SAMD11: variants seen among roughly 807,000 people sequenced by gnomAD.
SAMD11 encodes sterile alpha motif domain-containing protein 11.
Under a neutral mutation model 64.4 loss-of-function variants are expected in SAMD11, and 77 were observed. The ratio of observed to expected loss-of-function variants is 1.20; its 90% CI spans 0.99 to 1.44. SAMD11 has a LOEUF of 1.44. Ranked by LOEUF, SAMD11 falls within the 40% of genes most tolerant of loss-of-function variation. The pLI is 0.00. For missense variants in SAMD11, 1,402 were observed against 943.3 expected, an observed-to-expected ratio of 1.49 and a Z score of -6.37; for synonymous variants, 658 against 421.9, an observed-to-expected ratio of 1.56 and a Z score of -6.86.
Position 939,329 on chromosome 1 carries a change from A to C in SAMD11, c.1112A>C (p.Tyr371Ser). The change falls in exon 7 of 14, where the codon TAC (tyrosine) becomes TCC (serine). Residue 371 changes from tyrosine to serine, a missense_variant. By Grantham distance (144) the Tyr-to-Ser change is moderately radical (BLOSUM62 -2). Transcript: ENST00000616016. ...LGPSMAPEDHYRRLVSALSEA... is the reference protein window; with the variant it reads ...LGPSMAPEDHSRRLVSALSEA... ...CCCAGCATGGCCCCGGAGGACCATT[A>C]CCGCCGGCTTGTGTCAGCACTGAGC... The C allele has an allele frequency of 6.2e-7, 1 of 1,611,856 alleles. No individual in the cohort carries two copies. Among genetic ancestry groups the C allele is most frequent in the Non-Finnish European group, 8.5e-7 (1 of 1,179,634 alleles).
At chr1:941,720 C>G (rs2100354084) in intron 8 of SAMD11, among the ~76,000 whole-genome samples, 1 of 152,164 alleles carries the variant, frequency 6.6e-6, no homozygotes, top group South Asian at 2.1e-4. Flanking sequence ...GTCCAGGACA[C>G]GAGGCGGGGC....
chr1:935,044 C>T (rs975071502), intron 4 of SAMD11, among the ~76,000 whole-genome samples: 1 of 151,990 alleles, frequency 6.6e-6, no homozygotes, highest in African/African-American at 2.4e-5. Flanking sequence ...GCTCACGGAA[C>T]CGGGAAGGGG....
intron 1 of SAMD11, 149 bp from the exon 2 acceptor site, chr1:925,773 G>A (rs995710020): frequency 1.6e-6 from 1 of 629,962 alleles, no homozygotes; most frequent in African/African-American, 1.8e-5. Flanking sequence ...AGGGTGGGAC[G>A]GGAAGCGGGC....
Position 935,950 on chromosome 1 carries a change from G to GGTGGC in SAMD11, c.967+57_967+61dup, listed in dbSNP as rs896323272. ...GGTCGGGGCTGTGGGGCCAGAGGAC[G>GGTGGC]GTGGCGTCTCCACTCAGCACCAGCA... is the stretch of plus-strand genomic sequence containing the variant. On this transcript the variant is annotated intron_variant, in intron 5 of 13. Transcript: ENST00000616016. 5 of 1,574,050 alleles carry GGTGGC rather than the reference G, an allele frequency of 3.2e-6. No homozygotes were observed. In the African/African-American group the frequency reaches 6.7e-5, roughly 21 times the overall value.
chr1:940,301 C>T (rs1289449276), intron 7 of SAMD11: 2 of 143,020 alleles, frequency 1.4e-5, no homozygotes, highest in South Asian at 2.2e-4. Context: ...CCGCCGCCCC[C>T]CCCCCCCGCC....
intron 7 of SAMD11, among the ~76,000 whole-genome samples, chr1:940,192 C>T (rs1436248636): frequency 6.6e-6 from 1 of 151,258 alleles, no homozygotes; most frequent in Non-Finnish European, 1.5e-5. Context: ...TAAAAATCCT[C>T]CTTTTTAATT....
chr1:941,777 C>G (rs1379073910), intron 8 of SAMD11, among the ~76,000 whole-genome samples: 1 of 152,124 alleles, frequency 6.6e-6, no homozygotes, highest in Non-Finnish European at 1.5e-5. Context: ...GAGTCCCTGC[C>G]CGGCCGCTGA....
intron 4 of SAMD11, among the ~76,000 whole-genome samples, chr1:933,791 G>A (rs915673953): frequency 7.2e-5 from 11 of 152,168 alleles, no homozygotes; most frequent in South Asian, 2.1e-4. Flanking sequence ...GGGGAGAGCC[G>A]TCATCTAGGT....
intron 2 of SAMD11, among the ~76,000 whole-genome samples, chr1:929,722 TGA>T (rs1201024914): frequency 6.6e-6 from 1 of 152,136 alleles, no homozygotes; most frequent in East Asian, 1.9e-4. Context: ...GAGCTGGGAA[TGA>T]GGGGCCACAC....
Position 941,090 on chromosome 1 carries a change from G to A in SAMD11, c.1196-54G>A, listed in dbSNP as rs1641736980. ...AGTGTTCTACGCCAGGACGCGGGCTGGGGAGGATGAGGGCGCATAGCCGGG... is the reference window on the plus strand; with the variant it reads ...AGTGTTCTACGCCAGGACGCGGGCTAGGGAGGATGAGGGCGCATAGCCGGG... On this transcript the variant is annotated intron_variant, in intron 7 of 13. Coordinates refer to ENST00000616016, the MANE Select transcript of SAMD11 (RefSeq NM_001385641.1). 4 of 1,488,382 alleles carry A rather than the reference G, an allele frequency of 2.7e-6. No individual in the cohort carries two copies. In the South Asian group the frequency reaches 3.7e-5, roughly 14 times the overall value. The allele number at this position is 1,488,382 out of a possible 1,614,324, so 92.2% of individuals were successfully genotyped here.
Position 944,323 on chromosome 1 carries a change from G to C in SAMD11, c.*170G>C. 1 of 1,386,968 alleles carries C rather than the reference G, an allele frequency of 7.2e-7. No individual in the cohort carries two copies. The highest frequency in any genetic ancestry group is 3.4e-5 in the Admixed American group (1 of 29,314). The allele number at this position is 1,386,968 out of a possible 1,614,324, so 85.9% of individuals were successfully genotyped here. A position where few individuals can be genotyped will look rare whatever the true frequency, so the allele number is the denominator to read the frequency against. On this transcript the variant is annotated 3_prime_UTR_variant, in exon 14 of 14. Transcript: ENST00000616016. Reference sequence around the variant, plus strand: ...AACAAATTTTCAAAGACTTGGGGGAGTGAAGGCAGAGCCTGGTGCAGATGG... The same window carrying C: ...AACAAATTTTCAAAGACTTGGGGGACTGAAGGCAGAGCCTGGTGCAGATGG...
At position 930,481 on chromosome 1, in the gene SAMD11, G is replaced by A. The variant is rs530653642; in HGVS notation, c.791+145G>A. On this transcript the variant is annotated intron_variant, in intron 3 of 13. Coordinates refer to ENST00000616016, the MANE Select transcript of SAMD11 (RefSeq NM_001385641.1). Reference sequence around the variant, plus strand: ...GTCTTTTTGGGGTCCTGTGTGGGTCGCAGGCAGGAGCTGTTTCCTCATCTG... The same window carrying A: ...GTCTTTTTGGGGTCCTGTGTGGGTCACAGGCAGGAGCTGTTTCCTCATCTG... The A allele has an allele frequency of 8.2e-4, 743 of 901,172 alleles. 9 individuals are homozygous for A. Among genetic ancestry groups the A allele is most frequent in the South Asian group, 7.2e-3 (399 of 55,762 alleles). The allele number at this position is 901,172 out of a possible 1,614,324, so 55.8% of individuals were successfully genotyped here.
At chr1:936,656 C>T (rs1326078114) in intron 5 of SAMD11, among the ~76,000 whole-genome samples, 3 of 152,176 alleles carry the variant, frequency 2.0e-5, no homozygotes, top group Non-Finnish European at 4.4e-5. Context: ...GGGGTGTTCC[C>T]AGCAGGGCCT....
At chr1:939,520 C>G in intron 7 of SAMD11, 108 bp downstream of exon 7, 1 of 1,546,374 alleles carries the variant, frequency 6.5e-7, no homozygotes, top group Non-Finnish European at 8.7e-7. Flanking sequence ...TGTACTCGGC[C>G]ATTCCTGTTG....
chr1:931,192 AGCTGATGCTGTGAT>A, intron 4 of SAMD11, 103 bp downstream of exon 4: 1 of 1,024,144 alleles, frequency 9.8e-7, no homozygotes, highest in Non-Finnish European at 1.4e-6. Flanking sequence ...TCTCAGCGTG[AGCTGATGCTGTGAT>A]GCTGGCTGAG....
Position 939,278 on chromosome 1 carries a change from C to CGCT in SAMD11, c.1070_1072dup (p.Leu357dup), listed in dbSNP as rs777702978. On this transcript the variant is annotated inframe_insertion, in exon 7 of 14. Coordinates refer to ENST00000616016, the MANE Select transcript of SAMD11 (RefSeq NM_001385641.1). Reference sequence around the variant, plus strand: ...CACCCCGGGTCCTCCCCAGCAGAGGCGCTGCTGCTGCCGCGGGAGCTGGGG... The same window carrying CGCT: ...CACCCCGGGTCCTCCCCAGCAGAGGCGCTGCTGCTGCTGCCGCGGGAGCTGGGG... 3 of 1,598,452 alleles carry CGCT rather than the reference C, an allele frequency of 1.9e-6. No homozygotes were observed. Among genetic ancestry groups the CGCT allele is most frequent in the Non-Finnish European group, 1.7e-6 (2 of 1,173,436 alleles).
intron 9 of SAMD11, 31 bp downstream of exon 9, chr1:942,282 C>A: frequency 1.9e-6 from 2 of 1,047,036 alleles, no homozygotes; most frequent in Non-Finnish European, 2.6e-6. Context: ...CCCCTGGGAG[C>A]CCGCGTGGAG....
chr1:935,995 G>A, intron 5 of SAMD11, 99 bp downstream of exon 5: 1 of 1,282,226 alleles, frequency 7.8e-7, no homozygotes, highest in Non-Finnish European at 1.1e-6. Flanking sequence ...GGCAGCCAGA[G>A]AGGCAGGAGG....
chr1:944,133 C>G lies in SAMD11; in HGVS notation c.2515C>G (p.Pro839Ala), dbSNP rs774715184. 6.3e-7 allele frequency: 1 copy of G among 1,576,746 alleles called. No individual in the cohort carries two copies. The highest frequency in any genetic ancestry group is 1.8e-5 in the Admixed American group (1 of 55,918). Residue 839 changes from proline to alanine, a missense_variant, in exon 14 of 14, where the codon CCT becomes GCT. Coordinates refer to ENST00000616016, the MANE Select transcript of SAMD11 (RefSeq NM_001385641.1). ...GGCTCTACTTCCAGGGGCCCCCGAC[C>G]CTTCCCAGCCTCTGTGTTGAGGTTG... ...TLALLPGAPDPSQPLC is the reference protein window; with the variant it reads ...TLALLPGAPDASQPLC
Sources: gnomAD v4.1 joint callset for allele counts (sites outside exome capture counted in the v4.1 genomes callset) on GRCh38, gnomAD v4.1.1 for gene constraint, MANE v1.5 for transcripts, NCBI Gene and HGNC (gene_info 2026-07-23, HGNC 2026-07-21) for gene names.